ESRRB: variants seen among roughly 807,000 people sequenced by gnomAD.
ESRRB encodes the protein steroid hormone receptor ERR2.
ESRRB carries 16 observed loss-of-function variants against 46.0 expected under a neutral mutation model. That is an observed-to-expected ratio of 0.35 (90% CI 0.24 to 0.53). The LOEUF (loss-of-function observed/expected upper bound fraction) is 0.53, where lower values mean the gene tolerates loss of function less well. ESRRB is among the 20% of genes least tolerant of loss of function. ESRRB has a pLI of 0.93. For missense variants in ESRRB, 488 were observed against 607.4 expected, an observed-to-expected ratio of 0.80 and a Z score of 2.07; for synonymous variants, 246 against 259.6, an observed-to-expected ratio of 0.95 and a Z score of 0.50.
chr14:76,478,273 T>C (rs1020457239), intron 3 of ESRRB, among the ~76,000 whole-genome samples: 26 of 152,140 alleles, frequency 1.7e-4, no homozygotes, highest in African/African-American at 5.6e-4. Flanking sequence ...CAGCCTGGCA[T>C]GGGGATGAGG....
chr14:76,425,951 C>T (rs1263798155), intron 1 of ESRRB, among the ~76,000 whole-genome samples: 1 of 152,166 alleles, frequency 6.6e-6, no homozygotes. Context: ...CACACCCAGC[C>T]CTCCCTGCTG....
intron 1 of ESRRB, among the ~76,000 whole-genome samples, chr14:76,346,914 G>C (rs1458800936): frequency 6.6e-6 from 1 of 152,194 alleles, no homozygotes; most frequent in Admixed American, 6.5e-5. Flanking sequence ...AAGCCCCACT[G>C]TCTTATTTAC....
intron 1 of ESRRB, among the ~76,000 whole-genome samples, chr14:76,338,488 C>T (rs1245421004): frequency 6.6e-6 from 1 of 152,232 alleles, no homozygotes; most frequent in Non-Finnish European, 1.5e-5. Context: ...TGCATCTTCT[C>T]CTTAGCCAGA....
chr14:76,359,172 C>T (rs1459712130), intron 1 of ESRRB, among the ~76,000 whole-genome samples: 1 of 152,210 alleles, frequency 6.6e-6, no homozygotes, highest in African/African-American at 2.4e-5. Flanking sequence ...ATCCAGAGGA[C>T]ATCAGTTCCT....
chr14:76,375,507 C>T (rs1016826662), upstream of ESRRB, among the ~76,000 whole-genome samples: 42 of 152,198 alleles, frequency 2.8e-4, no homozygotes, highest in African/African-American at 9.4e-4. Context: ...ATGACTAGAG[C>T]ATCACTTCAT....
rs372339634 is a variant in ESRRB, at chr14:76,434,434, T to C, written c.51-4907T>C. 2.7e-4 allele frequency among the ~76,000 whole-genome samples: 41 copies of C among 152,118 alleles called. 1 individual carries two copies. In the South Asian group the frequency reaches 7.9e-3, roughly 29 times the overall value. On this transcript the variant is annotated intron_variant, in intron 1 of 6. Transcript: ENST00000644823. ...TGGGAGGTAAAGGCGGGGGATCACT[T>C]GAGGTCAGGAATTTAAAACCAGTCT...
rs547991091 is a variant in ESRRB at position 76,346,433 on chromosome 14, C to G, written c.2+35517C>G. Among the ~76,000 whole-genome samples, 213 of 152,348 alleles carry G rather than the reference C, an allele frequency of 1.4e-3. 1 individual carries two copies. The highest frequency in any genetic ancestry group is 5.0e-3 in the African/African-American group (208 of 41,584). ...ACCCGGGGCACCCATCCCTGGCTCA[C>G]CCAGGGCAACACCCTTAGTGTCCTG... On this transcript the variant is annotated intron_variant, in intron 1 of 6. Transcript: ENST00000512784.
At chr14:76,349,015 T>TC (rs1884282818) in intron 1 of ESRRB, among the ~76,000 whole-genome samples, 1 of 152,212 alleles carries the variant, frequency 6.6e-6, no homozygotes, top group East Asian at 1.9e-4. Context: ...CCCTTCCCAC[T>TC]CCCCCAGAAA....
At chr14:76,410,855 C>T (rs1023406644) in intron 1 of ESRRB, among the ~76,000 whole-genome samples, 4 of 152,068 alleles carry the variant, frequency 2.6e-5, no homozygotes, top group Non-Finnish European at 4.4e-5. Context: ...GCAATCTCAG[C>T]TCACTGCAAC....
chr14:76,402,152 C>T (rs549425818), intron 1 of ESRRB, among the ~76,000 whole-genome samples: 1 of 152,336 alleles, frequency 6.6e-6, no homozygotes, highest in Non-Finnish European at 1.5e-5. Context: ...CACAGGGCAA[C>T]CTGCTTTACT....
chr14:76,397,012 C>T (rs986796627), intron 1 of ESRRB, among the ~76,000 whole-genome samples: 4 of 152,184 alleles, frequency 2.6e-5, no homozygotes, highest in Non-Finnish European at 4.4e-5. Flanking sequence ...CGCCCGGGCA[C>T]GGACTGACTC....
chr14:76,458,301 G>C (rs765872153), intron 2 of ESRRB, among the ~76,000 whole-genome samples: 1 of 152,048 alleles, frequency 6.6e-6, no homozygotes, highest in African/African-American at 2.4e-5. Context: ...TCACTTTATC[G>C]AGGAGGCACT....
chr14:76,332,164 C>G (rs954771301), intron 1 of ESRRB, among the ~76,000 whole-genome samples: 9 of 151,620 alleles, frequency 5.9e-5, no homozygotes, highest in African/African-American at 2.2e-4. Flanking sequence ...ATGGAGAAGC[C>G]CTCCCTGCAG....
upstream of ESRRB, among the ~76,000 whole-genome samples, chr14:76,370,561 A>G (rs1249647821): frequency 1.3e-5 from 2 of 152,194 alleles, no homozygotes; most frequent in African/African-American, 4.8e-5. Context: ...GTCAACAGCT[A>G]ATTGTTCAAT....
intron 1 of ESRRB, among the ~76,000 whole-genome samples, chr14:76,395,292 G>A (rs1416863776): frequency 1.3e-5 from 2 of 152,188 alleles, no homozygotes; most frequent in Non-Finnish European, 2.9e-5. Flanking sequence ...TCCAAGGTCA[G>A]TACCTAACTG....
chr14:76,486,266 G>A (rs1047768599), intron 5 of ESRRB, among the ~76,000 whole-genome samples: 3 of 152,170 alleles, frequency 2.0e-5, no homozygotes, highest in African/African-American at 7.2e-5. Flanking sequence ...TCATGCCTGT[G>A]CCAGCCAGGA....
In ESRRB at chr14:76,500,820, C is replaced by T. The variant is rs1890633503; in HGVS notation, c.*2362C>T. On this transcript the variant is annotated 3_prime_UTR_variant, in exon 7 of 7. Transcript: ENST00000644823. ...TGACCTCACTTCAGAGCCCCTCTAGCAGAGTGGGGCGGAAGTCCTGATGGT... is the reference window on the plus strand; with the variant it reads ...TGACCTCACTTCAGAGCCCCTCTAGTAGAGTGGGGCGGAAGTCCTGATGGT... The T allele has an allele frequency of 1.5e-6, 2 of 1,317,086 alleles. No homozygotes were observed. Among genetic ancestry groups the T allele is most frequent in the South Asian group, 2.3e-5 (2 of 85,318 alleles). 81.6% of individuals were successfully genotyped at this position (1,317,086 alleles called of 1,614,324 possible).
At chr14:76,313,161 A>G (rs1385321250) in intron 1 of ESRRB, among the ~76,000 whole-genome samples, 1 of 152,100 alleles carries the variant, frequency 6.6e-6, no homozygotes, top group Non-Finnish European at 1.5e-5. Flanking sequence ...CCTGGCTTTC[A>G]TCCTCAAGTT....
upstream of ESRRB, among the ~76,000 whole-genome samples, chr14:76,374,908 G>A (rs1466323046): frequency 1.3e-5 from 2 of 152,086 alleles, no homozygotes; most frequent in Non-Finnish European, 2.9e-5. Flanking sequence ...AATCATCTGC[G>A]ATCCTTCTGC....
Sources: gnomAD v4.1 joint callset for allele counts (sites outside exome capture counted in the v4.1 genomes callset) on GRCh38, gnomAD v4.1.1 for gene constraint, MANE v1.5 for transcripts, NCBI Gene and HGNC (gene_info 2026-07-23, HGNC 2026-07-21) for gene names.